Variants in PLA2G4A observed in about 807,000 individuals in gnomAD.
PLA2G4A encodes the protein phospholipase A2 group IVA.
A neutral mutation model predicts 81.9 loss-of-function variants in PLA2G4A; 40 were observed. The ratio of observed to expected loss-of-function variants is 0.49; its 90% CI spans 0.38 to 0.64. The LOEUF is 0.64. Ranked by LOEUF, PLA2G4A falls within the 30% of genes least tolerant of loss-of-function variation. The pLI, the probability that PLA2G4A is intolerant of heterozygous loss-of-function variation, is 0.00. For missense variants in PLA2G4A, 715 were observed against 905.1 expected, an observed-to-expected ratio of 0.79 and a Z score of 2.69; for synonymous variants, 302 against 296.9, an observed-to-expected ratio of 1.02 and a Z score of -0.18.
At chr1:186,978,040 C>T (rs1657592590) in intron 16 of PLA2G4A, among the ~76,000 whole-genome samples, 1 of 152,198 alleles carries the variant, frequency 6.6e-6, no homozygotes, top group Admixed American at 6.5e-5. Context: ...TGGGACTTTA[C>T]TTCAATACTT....
intron 1 of PLA2G4A, among the ~76,000 whole-genome samples, chr1:186,838,112 T>A (rs1651853619): frequency 6.6e-6 from 1 of 152,260 alleles, no homozygotes; most frequent in Admixed American, 6.5e-5. Context: ...CCGGTGGGAA[T>A]ACAAGTCCAC....
intron 1 of PLA2G4A, among the ~76,000 whole-genome samples, chr1:186,837,736 C>CCAA (rs1553267317): frequency 1.8e-5 from 1 of 55,232 alleles, no homozygotes. Flanking sequence ...GACTCCGTCT[C>CCAA]AAAAAAAAAA....
intron 2 of PLA2G4A, among the ~76,000 whole-genome samples, chr1:186,869,260 A>G (rs1050482420): frequency 9.2e-5 from 14 of 152,232 alleles, no homozygotes; most frequent in African/African-American, 3.4e-4. Flanking sequence ...TATTCTTATG[A>G]TTGATCATTT....
intron 6 of PLA2G4A, among the ~76,000 whole-genome samples, 173 bp downstream of exon 6, chr1:186,907,175 C>T (rs1187461125): frequency 6.6e-6 from 1 of 152,126 alleles, no homozygotes; most frequent in African/African-American, 2.4e-5. Context: ...TCTTTACAAA[C>T]ATATTCTTAT....
chr1:186,921,560 C>G (rs538545321), intron 7 of PLA2G4A, among the ~76,000 whole-genome samples: 10 of 152,138 alleles, frequency 6.6e-5, no homozygotes, highest in Non-Finnish European at 1.0e-4. Flanking sequence ...CATAAGCAAG[C>G]TGTCAACGGA....
chr1:186,920,447 T>A (rs1008101331), intron 7 of PLA2G4A, among the ~76,000 whole-genome samples: 1 of 152,166 alleles, frequency 6.6e-6, no homozygotes, highest in Admixed American at 6.5e-5. Flanking sequence ...TCAGCACCAA[T>A]ATCGACCAAA....
At chr1:186,940,885 G>A (rs1177948971) in intron 10 of PLA2G4A, among the ~76,000 whole-genome samples, 1 of 152,136 alleles carries the variant, frequency 6.6e-6, no homozygotes, top group Non-Finnish European at 1.5e-5. Flanking sequence ...AAAAGTTCTA[G>A]TGTATATTTG....
At chr1:186,859,277 G>C (rs1187455322) in intron 2 of PLA2G4A, among the ~76,000 whole-genome samples, 1 of 152,154 alleles carries the variant, frequency 6.6e-6, no homozygotes, top group African/African-American at 2.4e-5. Flanking sequence ...GGAAAACAGA[G>C]TGACAAATAC....
chr1:186,852,641 C>T (rs1652415168), intron 1 of PLA2G4A, among the ~76,000 whole-genome samples: 2 of 151,992 alleles, frequency 1.3e-5, no homozygotes, highest in Admixed American at 1.3e-4. Context: ...GAGAGAGAGC[C>T]CATTCCATGA....
chr1:186,836,436 C>T (rs1651779990), intron 1 of PLA2G4A, among the ~76,000 whole-genome samples: 1 of 151,844 alleles, frequency 6.6e-6, no homozygotes, highest in Non-Finnish European at 1.5e-5. Context: ...GAAAAGGATG[C>T]TCTCATATAA....
At chr1:186,869,455 TA>T (rs1653160221) in intron 2 of PLA2G4A, among the ~76,000 whole-genome samples, 1 of 152,202 alleles carries the variant, frequency 6.6e-6, no homozygotes, top group Admixed American at 6.6e-5. Flanking sequence ...TTAATTACAT[TA>T]TTGATGGAGT....
intron 13 of PLA2G4A, among the ~76,000 whole-genome samples, chr1:186,955,882 C>T (rs1447584793): frequency 4.1e-5 from 6 of 144,786 alleles, no homozygotes; most frequent in Non-Finnish European, 7.5e-5. Flanking sequence ...TAGAGGTGCA[C>T]GCCACCATGA....
At chr1:186,831,478 G>T (rs1383338933) in intron 1 of PLA2G4A, among the ~76,000 whole-genome samples, 1 of 152,096 alleles carries the variant, frequency 6.6e-6, no homozygotes, top group Non-Finnish European at 1.5e-5. Flanking sequence ...TGTAACATCT[G>T]TTGCTTTTAT....
At chr1:186,857,081 A>AGATTATATAATATT (rs373845506) in intron 2 of PLA2G4A, among the ~76,000 whole-genome samples, 1 of 23,862 alleles carries the variant, frequency 4.2e-5, no homozygotes, top group African/African-American at 3.4e-4. Context: ...CATATATTAT[A>AGATTATATAATATT]CATATATAAT....
intron 7 of PLA2G4A, among the ~76,000 whole-genome samples, chr1:186,931,164 A>G (rs987650242): frequency 9.2e-5 from 14 of 152,116 alleles, no homozygotes; most frequent in Admixed American, 2.6e-4. Context: ...TACTTTATTT[A>G]CAATTTTAAA....
rs192850654 is a variant in PLA2G4A, at chr1:186,851,578, T to C, written c.-69-2708T>C. Among the ~76,000 whole-genome samples, 588 of 152,132 alleles carry C rather than the reference T, an allele frequency of 3.9e-3. 4 individuals are homozygous for C. The highest frequency in any genetic ancestry group is 0.013 in the African/African-American group (552 of 41,546). On this transcript the variant is annotated intron_variant, in intron 1 of 17. Coordinates refer to ENST00000367466, the MANE Select transcript of PLA2G4A (RefSeq NM_024420.3). ...AAACATCAGCCATACTAGTAGAAAGTCATTGCTGATCACTTTAAAAATGTT... is the reference window on the plus strand; with the variant it reads ...AAACATCAGCCATACTAGTAGAAAGCCATTGCTGATCACTTTAAAAATGTT...
At chr1:186,930,136 T>C (rs929732773) in intron 7 of PLA2G4A, among the ~76,000 whole-genome samples, 2 of 152,178 alleles carry the variant, frequency 1.3e-5, no homozygotes, top group Admixed American at 1.3e-4. Flanking sequence ...TAATAGTATG[T>C]ACTGACAGGT....
intron 7 of PLA2G4A, among the ~76,000 whole-genome samples, chr1:186,914,365 G>C (rs1655067557): frequency 6.7e-6 from 1 of 148,204 alleles, no homozygotes; most frequent in Non-Finnish European, 1.5e-5. Flanking sequence ...GCCTGCCAAA[G>C]TGCTAGTGTA....
intron 4 of PLA2G4A, 120 bp downstream of exon 4, chr1:186,893,279 C>A: frequency 1.2e-6 from 1 of 838,106 alleles, no homozygotes; most frequent in Non-Finnish European, 2.1e-6. Flanking sequence ...GACTGGGCAG[C>A]TTGGTAGACT....
Sources: gnomAD v4.1 joint callset for allele counts (sites outside exome capture counted in the v4.1 genomes callset) on GRCh38, gnomAD v4.1.1 for gene constraint, MANE v1.5 for transcripts, NCBI Gene and HGNC (gene_info 2026-07-23, HGNC 2026-07-21) for gene names.